Variants in GPC5 observed in about 807,000 individuals in gnomAD.
GPC5 encodes the protein glypican 5.
In GPC5, 47 loss-of-function variants were observed where a neutral mutation model predicts 53.9. That is an observed-to-expected ratio of 0.87 (90% CI 0.69 to 1.11). The LOEUF is 1.11. GPC5 is among the 50% of genes most tolerant of loss of function. The pLI is 0.00. For synonymous variants in GPC5, 286 were observed against 263.3 expected (o/e 1.09, Z -0.84); for missense variants, 748 against 713.1 (o/e 1.05, Z -0.56).
chr13:92,341,189 T>A (rs905012743), intron 7 of GPC5, among the ~76,000 whole-genome samples: 3 of 152,138 alleles, frequency 2.0e-5, no homozygotes, highest in African/African-American at 7.2e-5. Flanking sequence ...ATTACAGGCA[T>A]CATTAAATTT....
At chr13:91,401,056 G>A (rs1414349278) in intron 1 of GPC5, among the ~76,000 whole-genome samples, 1 of 152,200 alleles carries the variant, frequency 6.6e-6, no homozygotes, top group Non-Finnish European at 1.5e-5. Flanking sequence ...AGCACTCACA[G>A]AAGAGGCTTA....
intron 7 of GPC5, among the ~76,000 whole-genome samples, chr13:92,693,501 A>G (rs1224810431): frequency 1.3e-5 from 2 of 152,198 alleles, no homozygotes; most frequent in African/African-American, 4.8e-5. Context: ...CACTCTTGCT[A>G]TGCTTTAGAA....
intron 7 of GPC5, among the ~76,000 whole-genome samples, chr13:92,568,931 T>TTTA (rs1259620422): frequency 6.6e-6 from 1 of 151,948 alleles, no homozygotes. Context: ...TTTTTTTAGT[T>TTTA]TTATTATTAT....
intron 6 of GPC5, among the ~76,000 whole-genome samples, chr13:92,080,545 T>C (rs1038535783): frequency 6.6e-6 from 1 of 152,224 alleles, no homozygotes; most frequent in Non-Finnish European, 1.5e-5. Context: ...ATATCACTTA[T>C]ATTTGAACAA....
intron 2 of GPC5, among the ~76,000 whole-genome samples, chr13:91,677,255 G>T (rs1053237316): frequency 3.9e-5 from 6 of 152,118 alleles, no homozygotes; most frequent in African/African-American, 1.2e-4. Context: ...CTCGACCTTG[G>T]TGAGTACCTT....
At chr13:91,871,870 T>C (rs1378705624) in intron 5 of GPC5, among the ~76,000 whole-genome samples, 2 of 152,092 alleles carry the variant, frequency 1.3e-5, no homozygotes, top group Non-Finnish European at 2.9e-5. Flanking sequence ...AACATAAGGC[T>C]GCTTCAGGTG....
chr13:91,784,574 A>G (rs985121112), intron 5 of GPC5, among the ~76,000 whole-genome samples: 4 of 152,100 alleles, frequency 2.6e-5, no homozygotes, highest in Admixed American at 2.6e-4. Context: ...AAAATACAAA[A>G]TTAGCCAGGC....
At chr13:92,077,929 T>C (rs1211995858) in intron 6 of GPC5, among the ~76,000 whole-genome samples, 2 of 152,048 alleles carry the variant, frequency 1.3e-5, no homozygotes, top group Non-Finnish European at 2.9e-5. Context: ...TAGATATAGA[T>C]AGCTAGGTAG....
intron 6 of GPC5, among the ~76,000 whole-genome samples, chr13:92,019,161 T>G (rs1038734306): frequency 1.3e-5 from 2 of 151,990 alleles, no homozygotes; most frequent in Non-Finnish European, 2.9e-5. Flanking sequence ...TGCCTTATAC[T>G]CTCCAATTAA....
intron 2 of GPC5, among the ~76,000 whole-genome samples, chr13:91,487,974 T>C (rs1297028988): frequency 6.6e-6 from 1 of 151,084 alleles, no homozygotes. Flanking sequence ...ACTAAGGAGA[T>C]AGATGTATAA....
chr13:92,473,796 A>G (rs1878997681), intron 7 of GPC5, among the ~76,000 whole-genome samples: 2 of 152,152 alleles, frequency 1.3e-5, no homozygotes, highest in Admixed American at 6.6e-5. Flanking sequence ...GTATATGCTC[A>G]TTAAGGAAAT....
At chr13:92,177,283 T>C (rs773113892) in intron 7 of GPC5, among the ~76,000 whole-genome samples, 2 of 152,194 alleles carry the variant, frequency 1.3e-5, no homozygotes, top group Non-Finnish European at 2.9e-5. Flanking sequence ...TGTCTGACTT[T>C]CATCATATCT....
intron 7 of GPC5, among the ~76,000 whole-genome samples, chr13:92,393,879 G>GT (rs1001322233): frequency 2.0e-5 from 3 of 151,928 alleles, no homozygotes; most frequent in African/African-American, 7.3e-5. Flanking sequence ...TCTAAAAGCT[G>GT]TTTTTTATTT....
chr13:91,618,912 AAAAC>A (rs2033774620), intron 2 of GPC5, among the ~76,000 whole-genome samples: 1 of 152,132 alleles, frequency 6.6e-6, no homozygotes, highest in African/African-American at 2.4e-5. Flanking sequence ...GGTATATAGC[AAAAC>A]AAACAAATAA....
chr13:92,064,051 G>A (rs993086380), intron 6 of GPC5, among the ~76,000 whole-genome samples: 1 of 152,128 alleles, frequency 6.6e-6, no homozygotes, highest in African/African-American at 2.4e-5. Flanking sequence ...TCCAGCTTTG[G>A]AATAAATATA....
At chr13:91,415,600 C>G (rs1053297357) in intron 1 of GPC5, among the ~76,000 whole-genome samples, 6 of 152,112 alleles carry the variant, frequency 3.9e-5, no homozygotes, top group Admixed American at 1.3e-4. Flanking sequence ...TTCTCTTCCC[C>G]CATTCTTGTC....
chr13:92,606,188 T>C (rs1884252299), intron 7 of GPC5, among the ~76,000 whole-genome samples: 1 of 152,090 alleles, frequency 6.6e-6, no homozygotes, highest in African/African-American at 2.4e-5. Context: ...GCTGCACCCA[T>C]TAACTCGTCA....
chr13:92,209,520 A>G (rs376268718), intron 7 of GPC5, among the ~76,000 whole-genome samples: 1 of 152,176 alleles, frequency 6.6e-6, no homozygotes, highest in Non-Finnish European at 1.5e-5. Flanking sequence ...AAAAGCATAT[A>G]AAGAATTGGA....
At chr13:91,437,943 C>A (rs1281101471) in intron 1 of GPC5, among the ~76,000 whole-genome samples, 1 of 152,156 alleles carries the variant, frequency 6.6e-6, no homozygotes, top group Admixed American at 6.5e-5. Context: ...CCTTTTCTTC[C>A]AGTTGATCAC....
Sources: gnomAD v4.1 joint callset for allele counts (sites outside exome capture counted in the v4.1 genomes callset) on GRCh38, gnomAD v4.1.1 for gene constraint, MANE v1.5 for transcripts, NCBI Gene and HGNC (gene_info 2026-07-23, HGNC 2026-07-21) for gene names.